Variants in ZMYND15 observed in about 807,000 individuals in gnomAD.
ZMYND15 encodes zinc finger MYND-type containing 15.
Under a neutral mutation model 81.7 loss-of-function variants are expected in ZMYND15, and 54 were observed. The ratio of observed to expected loss-of-function variants is 0.66; its 90% CI spans 0.53 to 0.83. ZMYND15 has a LOEUF of 0.83. ZMYND15 is among the 40% of genes least tolerant of loss of function. The probability of loss-of-function intolerance (pLI) is 0.00; values close to 1 mark genes in which losing one functional copy is unlikely to be tolerated. For missense variants in ZMYND15, 925 were observed against 973.5 expected (o/e 0.95, Z 0.66); for synonymous variants, 399 against 387.0 (o/e 1.03, Z -0.36).
Position 4,744,322 on chromosome 17 carries a change from G to A in ZMYND15, c.1584+44G>A, listed in dbSNP as rs1417030142. 2.5e-6 allele frequency: 4 copies of A among 1,613,856 alleles called. No homozygotes were observed. Among genetic ancestry groups the A allele is most frequent in the Middle Eastern group, 1.6e-4 (1 of 6,084 alleles). ...GAAGGTTGGGCATTTTGGTATGGGG[G>A]TGGGCACAGGGTAGACCCCAGATCT... On this transcript the variant is annotated intron_variant, in intron 9 of 13. Transcript: ENST00000433935. The surrounding 1 kb of genome is among the most constrained non-coding windows in gnomAD (Gnocchi z 4.1).
rs1597502419 is a variant in ZMYND15 at position 4,740,706 on chromosome 17, A to C, written c.158A>C (p.Asp53Ala). The C allele has an allele frequency of 6.2e-7, 1 of 1,613,476 alleles. No individual in the cohort carries two copies. Among genetic ancestry groups the C allele is most frequent in the Non-Finnish European group, 8.5e-7 (1 of 1,179,642 alleles). The change falls in exon 2 of 14, where the codon GAC becomes GCC. Residue 53 changes from aspartate to alanine, a missense_variant. Physicochemically the swap from Asp to Ala is moderately radical, Grantham distance 126 (BLOSUM62 -2). Coordinates refer to ENST00000433935, the MANE Select transcript of ZMYND15 (RefSeq NM_001136046.3). ...GCCCAGATCAGAAGGCTACCCCAGG[A>C]CCCTGCCCTTTGGGTGCTCCATGTC... ...LEAQIRRLPQ[D>A]PALWVLHVLP...
In ZMYND15 at chr17:4,745,078, G is replaced by C; in HGVS notation, c.1897-137G>C. The C allele has an allele frequency of 6.5e-7, 1 of 1,548,740 alleles. No individual in the cohort carries two copies. Among genetic ancestry groups the C allele is most frequent in the South Asian group, 1.2e-5 (1 of 86,784 alleles). The stretch of plus-strand genomic sequence containing the variant: ...CCCACGGGTCCCCCTGCCTCTCTCT[G>C]TGTCTGTCTCCGTCCTCCCCCTGCT... On this transcript the variant is annotated intron_variant, in intron 12 of 13. Transcript: ENST00000433935. This position sits in a 1 kb window ranked among gnomAD's most constrained non-coding sequence, Gnocchi z 5.2.
At chr17:4,742,153 A>G in intron 4 of ZMYND15, 83 bp downstream of exon 4, 1 of 1,581,478 alleles carries the variant, frequency 6.3e-7, no homozygotes, top group Non-Finnish European at 8.6e-7. Flanking sequence ...CGCCTAGCAG[A>G]CAGAAGGAGA....
Position 4,743,548 on chromosome 17 carries a change from C to T in ZMYND15, c.1297+93C>T. The T allele has an allele frequency of 6.5e-7, 1 of 1,538,570 alleles. No homozygotes were observed. Among genetic ancestry groups the T allele is most frequent in the Non-Finnish European group, 8.8e-7 (1 of 1,138,298 alleles). On this transcript the variant is annotated intron_variant, in intron 6 of 13. Coordinates refer to ENST00000433935, the MANE Select transcript of ZMYND15 (RefSeq NM_001136046.3). This position sits in a 1 kb window ranked among gnomAD's most constrained non-coding sequence, Gnocchi z 4.3. The stretch of plus-strand genomic sequence containing the variant: ...GTCCCAGATGATCCCTCCACATACA[C>T]ACTGACCCCTACCAACAGCACCAGG...
Position 4,744,523 on chromosome 17 carries a change from T to C in ZMYND15, c.1683+56T>C. On this transcript the variant is annotated intron_variant, in intron 10 of 13. Transcript: ENST00000433935. The surrounding 1 kb of genome is among the most constrained non-coding windows in gnomAD (Gnocchi z 4.1). ...CCTGACCCCTCCAGTGACCTCCTGG[T>C]TGGGTCCTGCCCTTCTGCCCCCCAC... is the stretch of plus-strand genomic sequence containing the variant. The C allele has an allele frequency of 6.2e-7, 1 of 1,609,090 alleles. No individual in the cohort carries two copies. The highest frequency in any genetic ancestry group is 8.5e-7 in the Non-Finnish European group (1 of 1,176,268).
chr17:4,745,844 C>T lies in ZMYND15; in HGVS notation c.2083C>T (p.Leu695=). Residue 695 remains leucine, a synonymous_variant, in exon 14 of 14, where the codon CTG becomes TTG. Transcript: ENST00000433935. This position sits in a 1 kb window ranked among gnomAD's most constrained non-coding sequence, Gnocchi z 5.2. ...SWYCNAFIFH[L]VYKPAQGSGA... ...GTACTGCAATGCCTTCATCTTCCAC[C>T]TGGTTTACAAGCCTGCTCAAGGGAG... The T allele has an allele frequency of 6.2e-7, 1 of 1,601,388 alleles. No homozygotes were observed. The highest frequency in any genetic ancestry group is 1.1e-5 in the South Asian group (1 of 90,350).
In ZMYND15 at chr17:4,743,452, G is replaced by A. The variant is rs142067676; in HGVS notation, c.1294G>A (p.Gly432Ser). ...GNTPSLSLLR[G>S]GDPYQLLQGD... ...CACGCCATCCCTCAGCCTTCTTCGC[G>A]GTGGTGCGTGGGGTCTCTCCAGGCA... Residue 432 changes from glycine (G) to serine (S), a missense_variant, in exon 6 of 14, where the codon GGT (glycine) becomes AGT (serine). Coordinates refer to ENST00000433935, the MANE Select transcript of ZMYND15 (RefSeq NM_001136046.3). The surrounding 1 kb of genome is among the most constrained non-coding windows in gnomAD (Gnocchi z 4.3). The A allele has an allele frequency of 9.8e-5, 158 of 1,613,974 alleles. No individual in the cohort carries two copies. The East Asian group carries it at 2.7e-3, about 27-fold the overall frequency.
In ZMYND15 at chr17:4,743,359, C is replaced by T. The variant is rs760084206; in HGVS notation, c.1201C>T (p.Arg401Cys). ...EAFLASRGLTRGYWTQLSMLI... is the reference protein window; with the variant it reads ...EAFLASRGLTCGYWTQLSMLI... ...CTTCCTGGCCTCTCGGGGCCTCACTCGTGGCTATTGGACCCAGCTCAGCAT... is the reference window on the plus strand; with the variant it reads ...CTTCCTGGCCTCTCGGGGCCTCACTTGTGGCTATTGGACCCAGCTCAGCAT... The change falls in exon 6 of 14, where the codon CGT becomes TGT. Residue 401 changes from arginine to cysteine, a missense_variant. By Grantham distance (180) the Arg-to-Cys change is radical. Coordinates refer to ENST00000433935, the MANE Select transcript of ZMYND15 (RefSeq NM_001136046.3). This position sits in a 1 kb window ranked among gnomAD's most constrained non-coding sequence, Gnocchi z 4.3. 6.8e-6 allele frequency: 11 copies of T among 1,613,966 alleles called. No individual in the cohort carries two copies. Among genetic ancestry groups the T allele is most frequent in the African/African-American group, 6.7e-5 (5 of 74,890 alleles).
At position 4,745,682 on chromosome 17, in the gene ZMYND15, G is replaced by A. The variant is rs997430956; in HGVS notation, c.2058-137G>A. On this transcript the variant is annotated intron_variant, in intron 13 of 13. Transcript: ENST00000433935. This position sits in a 1 kb window ranked among gnomAD's most constrained non-coding sequence, Gnocchi z 5.2. ...CCTGGAACTCAGAGGGGCAAGCCCC[G>A]CCCCCTGGTCCCTGACCGCCCGGTG... 7.6e-6 allele frequency: 4 copies of A among 523,196 alleles called. No homozygotes were observed. Among genetic ancestry groups the A allele is most frequent in the African/African-American group, 4.3e-5 (2 of 46,062 alleles). The allele number at this position is 523,196 out of a possible 1,614,324, so 32.4% of individuals were successfully genotyped here. A position where few individuals can be genotyped will look rare whatever the true frequency, so the allele number is the denominator to read the frequency against.
chr17:4,742,847 A>G (rs1008402485), intron 5 of ZMYND15, among the ~76,000 whole-genome samples: 5 of 152,164 alleles, frequency 3.3e-5, no homozygotes, highest in Non-Finnish European at 7.4e-5. Flanking sequence ...GAATTGTTAC[A>G]AGGATTATCT....
In ZMYND15 at chr17:4,743,299, C is replaced by T; in HGVS notation, c.1145-4C>T. ...CCTCAACTCCTCCCCTTCTCCTTCT[C>T]CAGAGGTGACCAGTGAAACCTTCAA... is the stretch of plus-strand genomic sequence containing the variant. On this transcript the variant is annotated splice_region_variant and splice_polypyrimidine_tract_variant and intron_variant, in intron 5 of 13. Transcript: ENST00000433935. This position sits in a 1 kb window ranked among gnomAD's most constrained non-coding sequence, Gnocchi z 4.3. 6.2e-7 allele frequency: 1 copy of T among 1,609,372 alleles called. No homozygotes were observed. The highest frequency in any genetic ancestry group is 1.1e-5 in the South Asian group (1 of 90,992).
chr17:4,742,699 C>A (rs4790698), intron 5 of ZMYND15, among the ~76,000 whole-genome samples: 62,357 of 151,898 alleles, frequency 0.41, 13,310 homozygotes, highest in East Asian at 0.47. Context: ...TCCCTGAGAG[C>A]GTGCAGGGAT....
chr17:4,745,353 G>A lies in ZMYND15; in HGVS notation c.2035G>A (p.Ala679Thr). Residue 679 changes from alanine to threonine, a missense_variant, in exon 13 of 14, where the codon GCG becomes ACG. Physicochemically the swap from Ala to Thr is moderately conservative, Grantham distance 58. Transcript: ENST00000433935. This position sits in a 1 kb window ranked among gnomAD's most constrained non-coding sequence, Gnocchi z 5.2. ...NPFRSPFRLR[A>T]ADNCMSWYCN... Reference sequence around the variant, plus strand: ...CTTCCGCTCCCCCTTTCGCCTCAGAGCGGCCGACAACTGCATGTCCTGGTA... The same window carrying A: ...CTTCCGCTCCCCCTTTCGCCTCAGAACGGCCGACAACTGCATGTCCTGGTA... The A allele has an allele frequency of 6.2e-7, 1 of 1,608,508 alleles. No individual in the cohort carries two copies. Among genetic ancestry groups the A allele is most frequent in the South Asian group, 1.1e-5 (1 of 90,686 alleles).
Position 4,743,901 on chromosome 17 carries a change from C to T in ZMYND15, c.1378+54C>T. ...GGGGTAGGGCCAGGGACTGGAGAAC[C>T]AGAGCCTGGGTGGCTGTGAAGAAGA... On this transcript the variant is annotated intron_variant, in intron 7 of 13. Transcript: ENST00000433935. The surrounding 1 kb of genome is among the most constrained non-coding windows in gnomAD (Gnocchi z 4.3). 1 of 1,602,708 alleles carries T rather than the reference C, an allele frequency of 6.2e-7. No homozygotes were observed. The highest frequency in any genetic ancestry group is 1.1e-5 in the South Asian group (1 of 89,836).
At chr17:4,740,418 T>C in intron 1 of ZMYND15, 101 bp from the exon 2 acceptor site, 1 of 1,401,904 alleles carries the variant, frequency 7.1e-7, no homozygotes, top group Non-Finnish European at 9.3e-7. Flanking sequence ...GATCCAACCC[T>C]AAGTGACTCT....
At position 4,744,043 on chromosome 17, in the gene ZMYND15, A is replaced by G; in HGVS notation, c.1431A>G (p.Ile477Met). The G allele has an allele frequency of 6.4e-7, 1 of 1,554,428 alleles. No individual in the cohort carries two copies. The highest frequency in any genetic ancestry group is 8.7e-7 in the Non-Finnish European group (1 of 1,148,162). The change falls in exon 8 of 14, where the codon ATA becomes ATG. Residue 477 changes from isoleucine (I) to methionine (M), a missense_variant. By Grantham distance (10) the Ile-to-Met change is conservative (BLOSUM62 1). Coordinates refer to ENST00000433935, the MANE Select transcript of ZMYND15 (RefSeq NM_001136046.3). The surrounding 1 kb of genome is among the most constrained non-coding windows in gnomAD (Gnocchi z 4.1). ...TWRGLSLDSP[I>M]AVLLTYPLTV... Reference sequence around the variant, plus strand: ...GGGGCCTCAGCTTGGACTCCCCCATAGCCGTGCTTCTCACCTACCCGCTGA... The same window carrying G: ...GGGGCCTCAGCTTGGACTCCCCCATGGCCGTGCTTCTCACCTACCCGCTGA...
At position 4,740,629 on chromosome 17, in the gene ZMYND15, A is replaced by G. The variant is rs1916353499; in HGVS notation, c.81A>G (p.Ala27=). The change falls in exon 2 of 14, where the codon GCA becomes GCG. Residue 27 remains alanine, a synonymous_variant. Transcript: ENST00000433935. Reference sequence around the variant, plus strand: ...TCGGCTGGTTCCGAAAGTTTGTGGCAGAGCGTGGAGCTGTAGGGACTAGCC... The same window carrying G: ...TCGGCTGGTTCCGAAAGTTTGTGGCGGAGCGTGGAGCTGTAGGGACTAGCC... The part of the protein sequence containing the change: ...LLFGWFRKFV[A]ERGAVGTSLE... The G allele has an allele frequency of 6.2e-7, 1 of 1,613,496 alleles. No homozygotes were observed. The highest frequency in any genetic ancestry group is 1.7e-5 in the Admixed American group (1 of 59,844).
rs145111729 is a variant in ZMYND15, at chr17:4,744,444, G to A, written c.1660G>A (p.Glu554Lys). The A allele has an allele frequency of 5.6e-6, 9 of 1,613,904 alleles. No homozygotes were observed. Among genetic ancestry groups the A allele is most frequent in the South Asian group, 3.3e-5 (3 of 91,070 alleles). Residue 554 changes from glutamate to lysine, a missense_variant, in exon 10 of 14, where the codon GAG becomes AAG. Glu to Lys is a moderately conservative substitution (Grantham distance 56). Coordinates refer to ENST00000433935, the MANE Select transcript of ZMYND15 (RefSeq NM_001136046.3). The surrounding 1 kb of genome is among the most constrained non-coding windows in gnomAD (Gnocchi z 4.1). ...TGATGGCCTGCCCCCCGAAAGCGAC[G>A]AGCAGCATTTTACCCTGCAGAGGGT... is the stretch of plus-strand genomic sequence containing the variant. The part of the protein sequence containing the change: ...VGDGLPPESD[E>K]QHFTLQRDSL...
rs761791228 is a variant in ZMYND15, at chr17:4,741,806, C to A, written c.817C>A (p.Arg273=). ...CCGACAGCTTACTGTGGGAGATGCC[C>A]GGCTGCATCGGTATAGAAATCTGGT... ...KPRQLTVGDA[R]LHRELESLVP... is the part of the protein sequence containing the mutation. The change falls in exon 3 of 14, where the codon CGG becomes AGG. Residue 273 remains arginine, a synonymous_variant. Transcript: ENST00000433935. 1 of 1,572,798 alleles carries A rather than the reference C, an allele frequency of 6.4e-7. No homozygotes were observed. The highest frequency in any genetic ancestry group is 1.2e-5 in the South Asian group (1 of 84,906).
Sources: gnomAD v4.1 joint callset for allele counts (sites outside exome capture counted in the v4.1 genomes callset) on GRCh38, gnomAD v4.1.1 for gene constraint, Gnocchi (gnomAD v3.1) non-coding constraint, MANE v1.5 for transcripts, NCBI Gene and HGNC (gene_info 2026-07-23, HGNC 2026-07-21) for gene names.